The following RBMS3 variants were observed in gnomAD, a reference collection of about 807,000 sequenced individuals.
The protein encoded by RBMS3 is RNA-binding motif, single-stranded-interacting protein 3.
Under a neutral mutation model 66.8 loss-of-function variants are expected in RBMS3, and 27 were observed. The observed-to-expected ratio is 0.40, with a 90% CI of 0.30 to 0.56. The LOEUF is 0.56. RBMS3 is among the 20% of genes least tolerant of loss of function. RBMS3 has a pLI of 0.40. For missense variants in RBMS3, 513 were observed against 549.5 expected (o/e 0.93, Z 0.66); for synonymous variants, 188 against 183.0 (o/e 1.03, Z -0.22).
intron 14 of RBMS3, among the ~76,000 whole-genome samples, chr3:29,994,598 GCCT>G (rs1314952682): frequency 6.6e-6 from 1 of 152,234 alleles, no homozygotes; most frequent in East Asian, 1.9e-4. Context: ...TGGGCAGACT[GCCT>G]CCTCAAGTGG....
intron 3 of RBMS3, among the ~76,000 whole-genome samples, chr3:29,490,130 A>C (rs1283611668): frequency 6.7e-6 from 1 of 148,668 alleles, no homozygotes; most frequent in Non-Finnish European, 1.5e-5. Flanking sequence ...GATATCCTGG[A>C]TATTTTAAAT....
At chr3:29,743,950 G>A (rs1201284675) in intron 5 of RBMS3, among the ~76,000 whole-genome samples, 2 of 127,706 alleles carry the variant, frequency 1.6e-5, no homozygotes, top group African/African-American at 6.1e-5. Flanking sequence ...CTGTGTCCAT[G>A]TGTTCTCATT....
chr3:29,637,114 G>A (rs992790956), intron 4 of RBMS3, among the ~76,000 whole-genome samples: 1 of 151,866 alleles, frequency 6.6e-6, no homozygotes, highest in African/African-American at 2.4e-5. Context: ...TCAGCAGGAA[G>A]CAACACTTTC....
chr3:29,345,862 T>G (rs1308526368), intron 1 of RBMS3, among the ~76,000 whole-genome samples: 1 of 152,322 alleles, frequency 6.6e-6, no homozygotes, highest in East Asian at 1.9e-4. Flanking sequence ...AGAAAAATGG[T>G]TTGGTTATAC....
chr3:29,856,218 G>C (rs2059072632), intron 6 of RBMS3, among the ~76,000 whole-genome samples: 1 of 152,050 alleles, frequency 6.6e-6, no homozygotes, highest in Non-Finnish European at 1.5e-5. Flanking sequence ...ATGAATTTCA[G>C]GCAAGGGTGA....
At chr3:29,675,093 A>G (rs1480609673) in intron 4 of RBMS3, among the ~76,000 whole-genome samples, 2 of 152,190 alleles carry the variant, frequency 1.3e-5, no homozygotes, top group African/African-American at 4.8e-5. Flanking sequence ...GACCAATGGA[A>G]CAGAACAGAG....
chr3:29,813,917 C>T (rs1297142257), intron 6 of RBMS3, among the ~76,000 whole-genome samples: 1 of 152,088 alleles, frequency 6.6e-6, no homozygotes, highest in Non-Finnish European at 1.5e-5. Context: ...ACAATCATGT[C>T]GTCTGCAAAC....
chr3:29,702,012 TG>T (rs1414834673), intron 4 of RBMS3, among the ~76,000 whole-genome samples: 1 of 152,176 alleles, frequency 6.6e-6, no homozygotes, highest in Non-Finnish European at 1.5e-5. Context: ...CTGAGTCCAG[TG>T]GGGACTTGGA....
intron 12 of RBMS3, among the ~76,000 whole-genome samples, chr3:29,948,780 T>A (rs1026771292): frequency 6.6e-6 from 1 of 151,818 alleles, no homozygotes; most frequent in African/African-American, 2.4e-5. Context: ...TTGTAATAAG[T>A]TCTTAGAGAC....
Position 29,410,025 on chromosome 3 carries a change from T to C in RBMS3, c.76-24718T>C, listed in dbSNP as rs11915104. On this transcript the variant is annotated intron_variant, in intron 1 of 14. Transcript: ENST00000383767. ...TTCTTTCTTTCAGGTAATGAGATTG[T>C]ACTAGAGTCAGGCAGCTCTCAACAT... Among the ~76,000 whole-genome samples the C allele has an allele frequency of 4.4e-3, 666 of 152,324 alleles. 7 individuals are homozygous for C. Among genetic ancestry groups the C allele is most frequent in the African/African-American group, 0.015 (617 of 41,574 alleles).
chr3:29,430,637 G>A (rs1311916390), intron 1 of RBMS3, among the ~76,000 whole-genome samples: 1 of 152,180 alleles, frequency 6.6e-6, no homozygotes, highest in Non-Finnish European at 1.5e-5. Flanking sequence ...GGGGGGAAAA[G>A]AATTAAGTAA....
chr3:29,584,629 C>T (rs1472465400), intron 3 of RBMS3, among the ~76,000 whole-genome samples: 2 of 152,100 alleles, frequency 1.3e-5, no homozygotes, highest in Admixed American at 1.3e-4. Context: ...TATCCACTCA[C>T]CCAGTGGCTT....
chr3:29,357,618 T>C (rs113446119), intron 1 of RBMS3, among the ~76,000 whole-genome samples: 29,094 of 151,966 alleles, frequency 0.19, 2,911 homozygotes, highest in East Asian at 0.26. Flanking sequence ...CCTGAGGAAT[T>C]GCCACACTGA....
chr3:29,471,133 A>G (rs1472341766), intron 2 of RBMS3, among the ~76,000 whole-genome samples: 4 of 152,220 alleles, frequency 2.6e-5, no homozygotes, highest in Non-Finnish European at 5.9e-5. Flanking sequence ...CAAACAAAAA[A>G]ATATATAGAA....
intron 5 of RBMS3, among the ~76,000 whole-genome samples, chr3:29,746,200 A>G (rs1015367605): frequency 2.6e-5 from 4 of 152,200 alleles, no homozygotes; most frequent in African/African-American, 4.8e-5. Context: ...AAGTCTATCA[A>G]ATTTTTTTAA....
intron 6 of RBMS3, among the ~76,000 whole-genome samples, chr3:29,824,344 TC>T (rs1255660360): frequency 6.6e-6 from 1 of 152,136 alleles, no homozygotes; most frequent in Non-Finnish European, 1.5e-5. Flanking sequence ...AGACACTGAA[TC>T]TGCTACTGCC....
chr3:29,659,527 C>G (rs1365648236), intron 4 of RBMS3, among the ~76,000 whole-genome samples: 1 of 152,110 alleles, frequency 6.6e-6, no homozygotes, highest in Non-Finnish European at 1.5e-5. Context: ...GTAATATCCC[C>G]AAAGATCATG....
Position 29,572,966 on chromosome 3 carries a change from T to C in RBMS3, c.308-14148T>C, listed in dbSNP as rs545839484. On this transcript the variant is annotated intron_variant, in intron 3 of 14. Transcript: ENST00000383767. ...GTTAGTTATTGGTCTGTTTAGTCTT[T>C]GGATTTCTTCATAATTCGATCTTGG... Among the ~76,000 whole-genome samples the C allele has an allele frequency of 3.9e-5, 6 of 152,300 alleles. No individual in the cohort carries two copies. The South Asian group carries it at 1.2e-3, about 32-fold the overall frequency.
Position 29,454,874 on chromosome 3 carries a change from TTAGTA to T in RBMS3, c.248+19960_248+19964del, listed in dbSNP as rs373113217. On this transcript the variant is annotated intron_variant, in intron 2 of 14. Coordinates refer to ENST00000383767, the MANE Select transcript of RBMS3 (RefSeq NM_001003793.3). ...ATACATAGTTTCAGGAAAAATTCTA[TTAGTA>T]GTTTAATGAATACTTCATTTCCAAA... Among the ~76,000 whole-genome samples, 67 of 152,324 alleles carry T rather than the reference TTAGTA, an allele frequency of 4.4e-4. No individual in the cohort carries two copies. The East Asian group carries it at 8.3e-3, about 19-fold the overall frequency.
Sources: allele counts gnomAD v4.1 joint callset (sites outside exome capture counted in the v4.1 genomes callset), GRCh38; gene constraint gnomAD v4.1.1; transcripts MANE v1.5; gene names NCBI Gene and HGNC (gene_info 2026-07-23, HGNC 2026-07-21).